The following KLF12 variants were observed in gnomAD, a reference collection of about 807,000 sequenced individuals.
KLF12 encodes the protein Krueppel-like factor 12.
KLF12 carries 9 observed loss-of-function variants against 37.8 expected under a neutral mutation model. The ratio of observed to expected loss-of-function variants is 0.24; its 90% CI spans 0.14 to 0.42. The LOEUF is 0.42. Ranked by LOEUF, KLF12 falls within the 10% of genes least tolerant of loss-of-function variation. KLF12 has a pLI of 1.00. For synonymous variants in KLF12, 208 were observed against 202.1 expected (o/e 1.03, Z -0.25); for missense variants, 411 against 516.0 (o/e 0.80, Z 1.97).
intron 3 of KLF12, among the ~76,000 whole-genome samples, chr13:73,898,178 G>A (rs2139065653): frequency 6.6e-6 from 1 of 152,198 alleles, no homozygotes; most frequent in South Asian, 2.1e-4. Flanking sequence ...TATTTCCTAT[G>A]ACAGCATTTC....
intron 3 of KLF12, among the ~76,000 whole-genome samples, chr13:73,939,247 C>A (rs1228228831): frequency 6.6e-6 from 1 of 152,130 alleles, no homozygotes; most frequent in Non-Finnish European, 1.5e-5. Context: ...TCAGGTCTCC[C>A]TCTGAGTCCT....
the KLF12 span, among the ~76,000 whole-genome samples, chr13:74,189,415 T>C: frequency 6.6e-6 from 1 of 152,214 alleles, no homozygotes; most frequent in Non-Finnish European, 1.5e-5. Context: ...ACAGGGATGC[T>C]TCCCTTTCCG....
At chr13:74,015,995 A>C (rs1033585815) in intron 1 of KLF12, among the ~76,000 whole-genome samples, 2 of 152,220 alleles carry the variant, frequency 1.3e-5, no homozygotes, top group African/African-American at 2.4e-5. Context: ...TTTACTAAAC[A>C]TTGGTTTTTA....
At chr13:74,200,883 C>T in the KLF12 span, among the ~76,000 whole-genome samples, 1 of 152,066 alleles carries the variant, frequency 6.6e-6, no homozygotes, top group Non-Finnish European at 1.5e-5. Context: ...ATGGGAATGT[C>T]TATTAATTTG....
the KLF12 span, among the ~76,000 whole-genome samples, chr13:74,191,362 C>T: frequency 1.3e-5 from 2 of 152,186 alleles, no homozygotes; most frequent in African/African-American, 4.8e-5. Flanking sequence ...CTCTTAGCAT[C>T]ATAAGAATAT....
intron 6 of KLF12, among the ~76,000 whole-genome samples, chr13:73,750,307 A>G (rs1217200970): frequency 6.6e-6 from 1 of 152,218 alleles, no homozygotes; most frequent in Non-Finnish European, 1.5e-5. Flanking sequence ...GCTCCTGTGC[A>G]AATTTGGACA....
At chr13:74,167,375 A>G in the KLF12 span, among the ~76,000 whole-genome samples, 1 of 152,248 alleles carries the variant, frequency 6.6e-6, no homozygotes, top group Non-Finnish European at 1.5e-5. Context: ...AACCAATATA[A>G]GGTCAAGTGG....
chr13:74,133,790 G>T lies in KLF12; in HGVS notation c.-83C>A, dbSNP rs1878404486. 6.7e-6 allele frequency among the ~76,000 whole-genome samples: 1 copy of T among 148,520 alleles called. No homozygotes were observed. ...AATTGTTTTCTTTCCCTCACACAGA[G>T]TCCCCCTCTCTCTCTCCCTTTCTCT... On this transcript the variant is annotated 5_prime_UTR_variant, in exon 1 of 8. Transcript: ENST00000377669.
chr13:74,100,218 AC>A (rs1876247947), intron 1 of KLF12, among the ~76,000 whole-genome samples: 1 of 152,232 alleles, frequency 6.6e-6, no homozygotes, highest in South Asian at 2.1e-4. Context: ...CAGGCTTCTT[AC>A]TACAGTAGCA....
chr13:74,043,827 G>A (rs2025532), intron 1 of KLF12, among the ~76,000 whole-genome samples: 16,764 of 152,222 alleles, frequency 0.11, 1,001 homozygotes, highest in African/African-American at 0.13. Context: ...TGCTGTGTGG[G>A]TTGAAAGAAG....
chr13:73,820,978 A>G (rs551676450), intron 4 of KLF12, among the ~76,000 whole-genome samples: 11 of 152,298 alleles, frequency 7.2e-5, no homozygotes, highest in Non-Finnish European at 8.8e-5. Flanking sequence ...AGCCATGGTC[A>G]TTTACTTCAT....
At chr13:74,070,638 A>G (rs1874178062) in intron 1 of KLF12, among the ~76,000 whole-genome samples, 1 of 152,206 alleles carries the variant, frequency 6.6e-6, no homozygotes, top group Non-Finnish European at 1.5e-5. Context: ...TTGGTCATGA[A>G]GAAGCTGATA....
the KLF12 span, among the ~76,000 whole-genome samples, chr13:74,296,445 A>G: frequency 6.6e-6 from 1 of 152,160 alleles, no homozygotes; most frequent in African/African-American, 2.4e-5. Flanking sequence ...TCTTTATTAG[A>G]GAAAAATTTG....
the KLF12 span, among the ~76,000 whole-genome samples, chr13:74,260,591 A>G: frequency 4.5e-5 from 5 of 110,968 alleles, no homozygotes; most frequent in African/African-American, 3.2e-4. Flanking sequence ...AATAAAATAA[A>G]ATAAAATAAA....
At chr13:74,095,491 C>T (rs948821914) in intron 1 of KLF12, among the ~76,000 whole-genome samples, 42 of 151,784 alleles carry the variant, frequency 2.8e-4, no homozygotes, top group African/African-American at 9.2e-4. Context: ...TGGGCTCAAG[C>T]GATCCTCCCA....
chr13:74,138,144 T>G (rs1281052556), upstream of KLF12, among the ~76,000 whole-genome samples: 3 of 152,212 alleles, frequency 2.0e-5, no homozygotes, highest in Non-Finnish European at 4.4e-5. Context: ...CTGTGTACAT[T>G]TAGAGATTGT....
the KLF12 span, among the ~76,000 whole-genome samples, chr13:74,254,456 G>A: frequency 0.041 from 6,246 of 152,186 alleles, 145 homozygotes; most frequent in Middle Eastern, 0.071. Context: ...TTTTAATTCT[G>A]AGAACAACCC....
intron 5 of KLF12, among the ~76,000 whole-genome samples, chr13:73,779,508 C>T (rs1880830181): frequency 6.6e-6 from 1 of 152,162 alleles, no homozygotes; most frequent in African/African-American, 2.4e-5. Flanking sequence ...TCAGGGTTCC[C>T]CCTGATACCT....
Position 74,112,652 on chromosome 13 carries a change from T to C in KLF12, c.-32+21087A>G, listed in dbSNP as rs1051956949. On this transcript the variant is annotated intron_variant, in intron 1 of 7. Transcript: ENST00000377669. ...CTTCTAAGACAGTGAACTTGATAAA[T>C]AGATGTTGTGTGTGTTCTTACTGCT... Among the ~76,000 whole-genome samples the C allele has an allele frequency of 5.3e-5, 8 of 152,244 alleles. No homozygotes were observed. The South Asian group carries it at 6.2e-4, about 12-fold the overall frequency.
Sources: gnomAD v4.1 joint callset for allele counts (sites outside exome capture counted in the v4.1 genomes callset) on GRCh38, gnomAD v4.1.1 for gene constraint, MANE v1.5 for transcripts, NCBI Gene and HGNC (gene_info 2026-07-23, HGNC 2026-07-21) for gene names.